The following SYT2 variants were observed in gnomAD, a reference collection of about 807,000 sequenced individuals.
SYT2 encodes the protein synaptotagmin 2, also known as synaptotagmin-2.
SYT2 carries 15 observed loss-of-function variants against 39.9 expected under a neutral mutation model. The ratio of observed to expected loss-of-function variants is 0.38; its 90% confidence interval spans 0.25 to 0.58. The LOEUF is 0.58. SYT2 is among the 20% of genes least tolerant of loss of function. The probability of loss-of-function intolerance (pLI) is 0.70; values close to 1 mark genes in which losing one functional copy is unlikely to be tolerated. For missense variants in SYT2, 389 were observed against 530.3 expected (o/e 0.73, Z 2.62); for synonymous variants, 181 against 204.5 (o/e 0.89, Z 0.98).
Position 202,599,294 on chromosome 1 carries a change from G to GTCT in SYT2, c.974_976dup (p.Lys325dup). On this transcript the variant is annotated inframe_insertion, in exon 8 of 9. Transcript: ENST00000367268. The surrounding 1 kb of genome is among the most constrained non-coding windows in gnomAD (Gnocchi z 4.4). ...GTTCAGGGTCTTCTTCTTCACGGTTGTCTTCTTCTTCTTGAGCCTCTTGCC... is the reference window on the plus strand; with the variant it reads ...GTTCAGGGTCTTCTTCTTCACGGTTGTCTTCTTCTTCTTCTTGAGCCTCTTGCC... The GTCT allele has an allele frequency of 1.2e-6, 2 of 1,609,710 alleles. No homozygotes were observed. The highest frequency in any genetic ancestry group is 8.5e-7 in the Non-Finnish European group (1 of 1,178,604).
At chr1:202,684,450 G>A (rs1653608607) in intron 1 of SYT2, among the ~76,000 whole-genome samples, 1 of 151,354 alleles carries the variant, frequency 6.6e-6, no homozygotes, top group African/African-American at 2.4e-5. Context: ...CATCCATGCT[G>A]TCACAAAAAA....
chr1:202,638,393 C>G (rs191095231), intron 1 of SYT2, among the ~76,000 whole-genome samples: 1 of 152,380 alleles, frequency 6.6e-6, no homozygotes, highest in East Asian at 1.9e-4. Flanking sequence ...CCACATCTTT[C>G]CCTAGGCTTG....
chr1:202,656,242 A>T (rs1275169973), intron 1 of SYT2, among the ~76,000 whole-genome samples: 2 of 152,228 alleles, frequency 1.3e-5, no homozygotes, highest in Non-Finnish European at 2.9e-5. Context: ...TGGTCAGGGT[A>T]AGCCAGAGGC....
intron 1 of SYT2, among the ~76,000 whole-genome samples, chr1:202,683,604 G>A (rs1653580451): frequency 6.6e-6 from 1 of 152,088 alleles, no homozygotes; most frequent in Non-Finnish European, 1.5e-5. Context: ...AGCTGAACGT[G>A]GTGGTGCATG....
chr1:202,647,803 ACCCTCTC>A (rs1184213506), intron 1 of SYT2, among the ~76,000 whole-genome samples: 4 of 151,560 alleles, frequency 2.6e-5, no homozygotes, highest in Non-Finnish European at 5.9e-5. Flanking sequence ...GCTAAGAGAG[ACCCTCTC>A]CCTGCTCCTC....
intron 1 of SYT2, among the ~76,000 whole-genome samples, chr1:202,663,305 T>G (rs1692420017): frequency 6.6e-6 from 1 of 152,198 alleles, no homozygotes; most frequent in African/African-American, 2.4e-5. Flanking sequence ...CGGCAGCCAT[T>G]CTAGCATGGA....
intron 1 of SYT2, among the ~76,000 whole-genome samples, chr1:202,611,360 G>T (rs1385083932): frequency 3.3e-5 from 5 of 151,772 alleles, no homozygotes; most frequent in African/African-American, 9.7e-5. Context: ...GTGTTTTTTT[G>T]TTGTTTTTGA....
chr1:202,699,358 GA>G, intron 1 of SYT2, among the ~76,000 whole-genome samples: 1 of 152,244 alleles, frequency 6.6e-6, no homozygotes, highest in Non-Finnish European at 1.5e-5. Context: ...ACCAGCTCTA[GA>G]GAGAGTCCCA....
chr1:202,639,366 G>A (rs1278727163), intron 1 of SYT2: 9 of 272,406 alleles, frequency 3.3e-5, no homozygotes, highest in Non-Finnish European at 4.5e-5. Flanking sequence ...GCTTAACAGG[G>A]AGGAAGGAAA....
intron 1 of SYT2, among the ~76,000 whole-genome samples, chr1:202,641,333 G>A (rs1691911755): frequency 6.6e-6 from 1 of 152,182 alleles, no homozygotes; most frequent in South Asian, 2.1e-4. Context: ...CCACTTCCTG[G>A]ACTCAGACAC....
chr1:202,650,805 G>T (rs1171201028), intron 1 of SYT2, among the ~76,000 whole-genome samples: 1 of 152,162 alleles, frequency 6.6e-6, no homozygotes, highest in Non-Finnish European at 1.5e-5. Flanking sequence ...GCCTCCATGG[G>T]GGTTAAGATG....
chr1:202,673,913 G>A (rs916457645), intron 1 of SYT2, among the ~76,000 whole-genome samples: 5 of 152,196 alleles, frequency 3.3e-5, no homozygotes, highest in Admixed American at 2.0e-4. Context: ...TGGCTGATGG[G>A]CAGTGACAGT....
Position 202,596,944 on chromosome 1 carries a change from G to A in SYT2, c.1073C>T (p.Thr358Ile). 6.2e-7 allele frequency: 1 copy of A among 1,614,174 alleles called. No individual in the cohort carries two copies. Among genetic ancestry groups the A allele is most frequent in the Non-Finnish European group, 8.5e-7 (1 of 1,180,010 alleles). Residue 358 changes from threonine to isoleucine, a missense_variant, in exon 9 of 9, where the codon ACC (threonine) becomes ATC (isoleucine). Physicochemically the swap from Thr to Ile is moderately conservative, Grantham distance 89. Transcript: ENST00000367268. ...EQIQKVQVVV[T>I]VLDYDKLGKN... ...GCCCAGCTTGTCATAGTCCAGCACG[G>A]TGACCACTACCTGGACTTTCTGCAA...
At chr1:202,665,758 T>C (rs1211697637) in intron 1 of SYT2, among the ~76,000 whole-genome samples, 2 of 152,194 alleles carry the variant, frequency 1.3e-5, no homozygotes, top group Non-Finnish European at 2.9e-5. Flanking sequence ...TCCACATTCA[T>C]TGGTCATCAG....
rs755758105 is a variant in SYT2 at position 202,688,166 on chromosome 1, CACTCT to C, written c.-18+22087_-18+22091del. Among the ~76,000 whole-genome samples the C allele has an allele frequency of 5.9e-4, 90 of 152,346 alleles. 1 individual carries two copies. The highest frequency in any genetic ancestry group is 1.0e-3 in the South Asian group (5 of 4,830). Reference sequence around the variant, plus strand: ...CAGGACAGGACCCAAAATGCTTTAACACTCTACTCTGCAATGTGAACTCTGGCACA... The same window carrying C: ...CAGGACAGGACCCAAAATGCTTTAACACTCTGCAATGTGAACTCTGGCACA... On this transcript the variant is annotated intron_variant, in intron 1 of 8. Transcript: ENST00000367268.
At chr1:202,696,040 C>A (rs546736045) in intron 1 of SYT2, among the ~76,000 whole-genome samples, 1 of 152,318 alleles carries the variant, frequency 6.6e-6, no homozygotes, top group East Asian at 1.9e-4. Flanking sequence ...TATAGTTTGC[C>A]TTTGGAAACG....
At chr1:202,666,041 T>C (rs1692475907) in intron 1 of SYT2, among the ~76,000 whole-genome samples, 1 of 151,230 alleles carries the variant, frequency 6.6e-6, no homozygotes, top group South Asian at 2.1e-4. Context: ...TAGTCCCAGC[T>C]ACTCGGGAGG....
chr1:202,678,993 C>T lies in SYT2; in HGVS notation c.-18+31265G>A, dbSNP rs535604806. 2.3e-4 allele frequency among the ~76,000 whole-genome samples: 35 copies of T among 152,272 alleles called. 1 individual carries two copies. The South Asian group carries it at 4.1e-3, about 18-fold the overall frequency. On this transcript the variant is annotated intron_variant, in intron 1 of 8. Transcript: ENST00000367268. ...AGGTCCCCAGTGGCCTCTGAAATGC[C>T]GGTTCTCAAGGACACTTCTGCCCCA... is the stretch of plus-strand genomic sequence containing the variant.
chr1:202,618,400 A>AGTGTGTGTGTGTGT lies in SYT2; in HGVS notation c.-17-12625_-17-12612dup, dbSNP rs57621822. ...TGGGAAGGAACCAAGGTCTGGTGTG[A>AGTGTGTGTGTGTGT]GTGTGTGTGTGTGTGTGTGTGTGTG... On this transcript the variant is annotated intron_variant, in intron 1 of 8. Transcript: ENST00000367268. Among the ~76,000 whole-genome samples the AGTGTGTGTGTGTGT allele has an allele frequency of 8.7e-3, 1,291 of 148,860 alleles. 8 individuals carry two copies. The highest frequency in any genetic ancestry group is 0.017 in the Middle Eastern group (5 of 286).
Sources: allele counts gnomAD v4.1 joint callset (sites outside exome capture counted in the v4.1 genomes callset), GRCh38; gene constraint gnomAD v4.1.1; non-coding constraint Gnocchi (gnomAD v3.1); transcripts MANE v1.5; gene names NCBI Gene and HGNC (gene_info 2026-07-23, HGNC 2026-07-21).